CSMD3: variants seen among roughly 807,000 people sequenced by gnomAD.
The protein encoded by CSMD3 is CUB and sushi domain-containing protein 3.
CSMD3 carries 177 observed loss-of-function variants against 435.2 expected under a neutral mutation model. That is an observed-to-expected ratio of 0.41 (90% CI 0.36 to 0.46). CSMD3 has a LOEUF of 0.46. Among genes scored for constraint, CSMD3 ranks in the 20% least tolerant of loss-of-function variants. The pLI, the probability that CSMD3 is intolerant of heterozygous loss-of-function variation, is 0.34. For missense variants in CSMD3, 4,265 were observed against 4,504.6 expected (o/e 0.95, Z 1.52); for synonymous variants, 1,656 against 1,520.5 (o/e 1.09, Z -2.07).
chr8:113,180,762 T>C (rs1317517042), intron 3 of CSMD3, among the ~76,000 whole-genome samples: 1 of 152,066 alleles, frequency 6.6e-6, no homozygotes, highest in Non-Finnish European at 1.5e-5. Flanking sequence ...CTGGATCACA[T>C]TGCCACCATG....
At position 112,952,237 on chromosome 8, in the gene CSMD3, T is replaced by A. The variant is rs140645020; in HGVS notation, c.1420+2447A>T. ...TGGAGCTTCTTTAATCTCTTGTTAA[T>A]TCATTTCTTACTTAAAATCTAAAGG... is the stretch of plus-strand genomic sequence containing the variant. On this transcript the variant is annotated intron_variant, in intron 8 of 70. Transcript: ENST00000297405. Among the ~76,000 whole-genome samples the A allele has an allele frequency of 5.3e-5, 8 of 151,676 alleles. No individual in the cohort carries two copies. The East Asian group carries it at 1.5e-3, about 29-fold the overall frequency.
At chr8:113,411,768 T>C (rs2094560859) in intron 1 of CSMD3, among the ~76,000 whole-genome samples, 1 of 152,164 alleles carries the variant, frequency 6.6e-6, no homozygotes, top group South Asian at 2.1e-4. Context: ...GCTGAACTAA[T>C]TCTTCATTGG....
chr8:113,318,785 G>GGT (rs2093928423), intron 1 of CSMD3, among the ~76,000 whole-genome samples: 1 of 49,976 alleles, frequency 2.0e-5, no homozygotes, highest in Non-Finnish European at 4.4e-5. Context: ...GGCTGAATAA[G>GGT]ATGTGTGTGT....
chr8:112,572,478 T>C (rs1427031373), intron 24 of CSMD3, among the ~76,000 whole-genome samples: 2 of 152,106 alleles, frequency 1.3e-5, no homozygotes, highest in African/African-American at 4.8e-5. Context: ...TTACACAAAT[T>C]ATAATTTGAT....
intron 5 of CSMD3, among the ~76,000 whole-genome samples, chr8:113,058,423 G>GT (rs796264992): frequency 6.3e-4 from 95 of 151,714 alleles, no homozygotes; most frequent in African/African-American, 2.1e-3. Flanking sequence ...AGTTTGCTGG[G>GT]TTTTTTTAAT....
intron 7 of CSMD3, among the ~76,000 whole-genome samples, chr8:112,970,749 C>G (rs1019293845): frequency 2.7e-5 from 4 of 149,682 alleles, no homozygotes; most frequent in African/African-American, 9.8e-5. Flanking sequence ...TTATATGGAG[C>G]CTCTCTCTGT....
At chr8:112,606,311 A>G (rs1481883929) in intron 22 of CSMD3, among the ~76,000 whole-genome samples, 1 of 152,152 alleles carries the variant, frequency 6.6e-6, no homozygotes, top group Non-Finnish European at 1.5e-5. Context: ...ACACTGCCTA[A>G]TAGACTCACT....
At chr8:112,771,200 C>A (rs2078105580) in intron 13 of CSMD3, among the ~76,000 whole-genome samples, 1 of 151,956 alleles carries the variant, frequency 6.6e-6, no homozygotes, top group South Asian at 2.1e-4. Flanking sequence ...TGTTAAAGTA[C>A]CAAACACACT....
At chr8:113,397,491 C>T (rs1436176177) in intron 1 of CSMD3, among the ~76,000 whole-genome samples, 4 of 152,052 alleles carry the variant, frequency 2.6e-5, no homozygotes, top group African/African-American at 9.6e-5. Flanking sequence ...TATTTTGAAT[C>T]TCTAATACTT....
intron 6 of CSMD3, among the ~76,000 whole-genome samples, chr8:112,992,044 G>C (rs1019806682): frequency 2.0e-5 from 3 of 151,798 alleles, no homozygotes; most frequent in Non-Finnish European, 2.9e-5. Flanking sequence ...CAAAATAGTA[G>C]ATCCTCATTA....
chr8:113,331,505 C>A (rs2132772131), intron 1 of CSMD3, among the ~76,000 whole-genome samples: 2 of 151,642 alleles, frequency 1.3e-5, no homozygotes, highest in South Asian at 4.1e-4. Flanking sequence ...ACCAATATTC[C>A]TTATGAATAT....
chr8:112,392,194 AG>A (rs1830472769), intron 35 of CSMD3, among the ~76,000 whole-genome samples: 1 of 152,014 alleles, frequency 6.6e-6, no homozygotes, highest in Non-Finnish European at 1.5e-5. Context: ...AATTTGTCCT[AG>A]TATGGCTATA....
At chr8:112,572,777 C>A (rs1397409825) in intron 24 of CSMD3, among the ~76,000 whole-genome samples, 1 of 151,960 alleles carries the variant, frequency 6.6e-6, no homozygotes, top group Non-Finnish European at 1.5e-5. Flanking sequence ...AATTTATTAG[C>A]AAAGAATCCT....
chr8:112,927,491 T>C (rs949015158), intron 9 of CSMD3, among the ~76,000 whole-genome samples: 2 of 152,106 alleles, frequency 1.3e-5, no homozygotes, highest in Admixed American at 6.6e-5. Flanking sequence ...CTCTTGAATA[T>C]TCAACTCTCA....
At chr8:112,328,883 T>C (rs1395806053) in intron 45 of CSMD3, among the ~76,000 whole-genome samples, 1 of 152,196 alleles carries the variant, frequency 6.6e-6, no homozygotes, top group Non-Finnish European at 1.5e-5. Context: ...TGTGCGTCAA[T>C]TAAACTTCTT....
At chr8:112,999,852 G>C (rs2085798766) in intron 6 of CSMD3, among the ~76,000 whole-genome samples, 1 of 151,978 alleles carries the variant, frequency 6.6e-6, no homozygotes, top group Non-Finnish European at 1.5e-5. Flanking sequence ...GCTGATATGA[G>C]AAAGACTGGA....
At chr8:112,977,951 C>A (rs1310116408) in intron 6 of CSMD3, among the ~76,000 whole-genome samples, 1 of 151,960 alleles carries the variant, frequency 6.6e-6, no homozygotes. Context: ...AGTAATTGAA[C>A]TCATGGTAAA....
At chr8:112,553,205 C>T (rs896103154) in intron 25 of CSMD3, among the ~76,000 whole-genome samples, 3 of 152,020 alleles carry the variant, frequency 2.0e-5, no homozygotes, top group Admixed American at 6.6e-5. Context: ...TTCCCTTGTA[C>T]TCTCCCAAAA....
intron 60 of CSMD3, among the ~76,000 whole-genome samples, chr8:112,264,847 G>A (rs1011459558): frequency 4.0e-5 from 6 of 151,856 alleles, no homozygotes; most frequent in African/African-American, 1.5e-4. Flanking sequence ...ATAAAAATTG[G>A]CCAAAAAATT....
Sources: allele counts gnomAD v4.1 joint callset (sites outside exome capture counted in the v4.1 genomes callset), GRCh38; gene constraint gnomAD v4.1.1; transcripts MANE v1.5; gene names NCBI Gene and HGNC (gene_info 2026-07-23, HGNC 2026-07-21).